FAM162A: variants seen among roughly 807,000 people sequenced by gnomAD.
The protein encoded by FAM162A is family with sequence similarity 162 member A, also known as protein FAM162A.
In FAM162A, 23 loss-of-function variants were observed where a neutral mutation model predicts 21.8. The ratio of observed to expected loss-of-function variants is 1.05; its 90% confidence interval spans 0.76 to 1.49. FAM162A has a LOEUF of 1.49. Ranked by LOEUF, FAM162A falls within the 40% of genes most tolerant of loss-of-function variation. The pLI is 0.00. For synonymous variants in FAM162A, 53 were observed against 61.3 expected, an observed-to-expected ratio of 0.86 and a Z score of 0.64; for missense variants, 165 against 186.4, an observed-to-expected ratio of 0.89 and a Z score of 0.67.
intron 1 of FAM162A, among the ~76,000 whole-genome samples, chr3:122,390,665 A>T (rs1576247228): frequency 6.6e-6 from 1 of 152,206 alleles, no homozygotes; most frequent in African/African-American, 2.4e-5. Flanking sequence ...TTTTCAGATT[A>T]TGGGTCCCCC....
At chr3:122,387,482 C>A (rs893738591) in intron 1 of FAM162A, among the ~76,000 whole-genome samples, 1 of 152,136 alleles carries the variant, frequency 6.6e-6, no homozygotes, top group Non-Finnish European at 1.5e-5. Flanking sequence ...ACTTAAGGGC[C>A]AAGAAGGGAA....
rs142560802 is a variant in FAM162A, at chr3:122,392,049, T to C, written c.34+7750T>C. Among the ~76,000 whole-genome samples, 717 of 152,366 alleles carry C rather than the reference T, an allele frequency of 4.7e-3. 6 individuals are homozygous for C. The highest frequency in any genetic ancestry group is 0.017 in the African/African-American group (692 of 41,586). On this transcript the variant is annotated intron_variant, in intron 1 of 4. Coordinates refer to ENST00000477892, the MANE Select transcript of FAM162A (RefSeq NM_014367.4). Reference sequence around the variant, plus strand: ...TGCCTGGCACATAGGAAGTACTTTGTTGAATGAATTACTCCAACATACATC... The same window carrying C: ...TGCCTGGCACATAGGAAGTACTTTGCTGAATGAATTACTCCAACATACATC...
intron 1 of FAM162A, among the ~76,000 whole-genome samples, chr3:122,386,581 A>G (rs9874163): frequency 0.34 from 51,396 of 150,692 alleles, 9,963 homozygotes; most frequent in East Asian, 0.56. Context: ...AAAAGAAAAG[A>G]AGCATAATCT....
At position 122,409,820 on chromosome 3, in the gene FAM162A, A is replaced by C. The variant is rs778994095; in HGVS notation, c.454A>C (p.Lys152Gln). 6.2e-7 allele frequency: 1 copy of C among 1,613,850 alleles called. No individual in the cohort carries two copies. Among genetic ancestry groups the C allele is most frequent in the South Asian group, 1.1e-5 (1 of 91,078 alleles). ...RLKEEAAMKA[K>Q]TE ...GAAAGAGGAAGCAGCTATGAAGGCCAAAACAGAGTAGCAGAGGTATCCGTG... is the reference window on the plus strand; with the variant it reads ...GAAAGAGGAAGCAGCTATGAAGGCCCAAACAGAGTAGCAGAGGTATCCGTG... Residue 152 changes from lysine (K) to glutamine (Q), a missense_variant, in exon 5 of 5, where the codon AAA (lysine) becomes CAA (glutamine). Coordinates refer to ENST00000477892, the MANE Select transcript of FAM162A (RefSeq NM_014367.4).
At chr3:122,391,229 A>G (rs1221221145) in intron 1 of FAM162A, among the ~76,000 whole-genome samples, 3 of 152,200 alleles carry the variant, frequency 2.0e-5, no homozygotes, top group Non-Finnish European at 2.9e-5. Flanking sequence ...GTCTGGCATT[A>G]TCGCCCAGGC....
At chr3:122,407,428 T>A (rs367935433) in intron 4 of FAM162A, 39 bp downstream of exon 4, 1 of 1,495,782 alleles carries the variant, frequency 6.7e-7, no homozygotes, top group Non-Finnish European at 9.3e-7. Flanking sequence ...ATGTATGTTC[T>A]CCACCAAGAA....
At chr3:122,409,104 A>G (rs2075691828) in intron 4 of FAM162A, among the ~76,000 whole-genome samples, 1 of 149,904 alleles carries the variant, frequency 6.7e-6, no homozygotes, top group African/African-American at 2.5e-5. Flanking sequence ...TAGTTTCACT[A>G]TTTGGTATAA....
chr3:122,401,350 T>C, intron 1 of FAM162A: 1 of 998,686 alleles, frequency 1.0e-6, no homozygotes, highest in Non-Finnish European at 1.2e-6. Context: ...CATGATTATA[T>C]AGACAGAGAA....
chr3:122,400,605 A>G lies in FAM162A; in HGVS notation c.35-2155A>G, dbSNP rs542387357. 8.5e-5 allele frequency among the ~76,000 whole-genome samples: 13 copies of G among 152,276 alleles called. No individual in the cohort carries two copies. In the South Asian group the frequency reaches 2.7e-3, roughly 32 times the overall value. On this transcript the variant is annotated intron_variant, in intron 1 of 4. Transcript: ENST00000477892. ...TTTGGGAGGCCGAGGCAGGCGGATC[A>G]CCTAAGGTCAGGAGTTTGAGACTAG...
intron 1 of FAM162A, among the ~76,000 whole-genome samples, chr3:122,399,416 G>A (rs896279869): frequency 2.0e-5 from 3 of 151,970 alleles, no homozygotes; most frequent in Admixed American, 6.6e-5. Flanking sequence ...CTTCGGCTCC[G>A]GGGTTCAAGT....
chr3:122,405,765 A>G (rs1195979940), intron 3 of FAM162A, among the ~76,000 whole-genome samples: 1 of 152,202 alleles, frequency 6.6e-6, no homozygotes, highest in Non-Finnish European at 1.5e-5. Flanking sequence ...TAACTTGCCC[A>G]TTCCTATTAC....
chr3:122,393,679 A>G (rs2075614622), intron 1 of FAM162A, among the ~76,000 whole-genome samples: 1 of 152,212 alleles, frequency 6.6e-6, no homozygotes. Flanking sequence ...ATTTGTTGAA[A>G]ATAATCAGCA....
intron 1 of FAM162A, among the ~76,000 whole-genome samples, chr3:122,385,865 A>T (rs1235704946): frequency 1.3e-5 from 2 of 152,222 alleles, no homozygotes; most frequent in East Asian, 3.8e-4. Context: ...CCCACTTCAT[A>T]GCTAAATACT....
intron 1 of FAM162A, among the ~76,000 whole-genome samples, chr3:122,384,635 C>G (rs1449238089): frequency 6.6e-6 from 1 of 152,040 alleles, no homozygotes; most frequent in Non-Finnish European, 1.5e-5. Context: ...TCCCCTTTAC[C>G]CATGCATTCA....
At position 122,390,700 on chromosome 3, in the gene FAM162A, G is replaced by A. The variant is rs538880823; in HGVS notation, c.34+6401G>A. 9.9e-4 allele frequency among the ~76,000 whole-genome samples: 151 copies of A among 152,264 alleles called. 1 individual carries two copies. Among genetic ancestry groups the A allele is most frequent in the Non-Finnish European group, 2.6e-4 (18 of 68,010 alleles). On this transcript the variant is annotated intron_variant, in intron 1 of 4. Coordinates refer to ENST00000477892, the MANE Select transcript of FAM162A (RefSeq NM_014367.4). ...CATAGCAGAAGTTTCACCATTACCT[G>A]GGCAATTGTTAGAAGTGCACATTCT...
chr3:122,401,960 T>A (rs1422381192), intron 1 of FAM162A, among the ~76,000 whole-genome samples: 3 of 152,168 alleles, frequency 2.0e-5, no homozygotes, highest in Non-Finnish European at 4.4e-5. Flanking sequence ...ACCTGTTTAG[T>A]TTCTGCACAG....
In FAM162A at chr3:122,402,848, C is replaced by G; in HGVS notation, c.123C>G (p.Cys41Trp). The G allele has an allele frequency of 1.2e-6, 2 of 1,605,888 alleles. No homozygotes were observed. Among genetic ancestry groups the G allele is most frequent in the Non-Finnish European group, 1.7e-6 (2 of 1,176,766 alleles). Reference protein sequence around the residue: ...SSDLKRINGFCTKPQESPGAP... With the variant: ...SSDLKRINGFWTKPQESPGAP... The stretch of plus-strand genomic sequence containing the variant: ...ATTTGAAGAGAATAAATGGATTTTG[C>G]ACAAAACCACAGGAAAGTCCCGGAG... The change falls in exon 2 of 5, where the codon TGC becomes TGG. Residue 41 changes from cysteine to tryptophan, a missense_variant. Cys to Trp is a radical substitution (Grantham distance 215). Coordinates refer to ENST00000477892, the MANE Select transcript of FAM162A (RefSeq NM_014367.4).
Position 122,402,843 on chromosome 3 carries a change from T to G in FAM162A, c.118T>G (p.Phe40Val). 6.2e-7 allele frequency: 1 copy of G among 1,604,828 alleles called. No individual in the cohort carries two copies. The highest frequency in any genetic ancestry group is 8.5e-7 in the Non-Finnish European group (1 of 1,176,188). Residue 40 changes from phenylalanine (F) to valine (V), a missense_variant, in exon 2 of 5, where the codon TTT (phenylalanine) becomes GTT (valine). Phe to Val is a conservative substitution (Grantham distance 50, BLOSUM62 -1). Coordinates refer to ENST00000477892, the MANE Select transcript of FAM162A (RefSeq NM_014367.4). ...CTCTGATTTGAAGAGAATAAATGGA[T>G]TTTGCACAAAACCACAGGAAAGTCC... ...RSSDLKRING[F>V]CTKPQESPGA...
At chr3:122,391,350 G>A (rs1428943374) in intron 1 of FAM162A, among the ~76,000 whole-genome samples, 2 of 152,074 alleles carry the variant, frequency 1.3e-5, no homozygotes, top group South Asian at 2.1e-4. Flanking sequence ...ATGCCACTGC[G>A]CCCAGCTAGT....
Sources: gnomAD v4.1 joint callset for allele counts (sites outside exome capture counted in the v4.1 genomes callset) on GRCh38, gnomAD v4.1.1 for gene constraint, MANE v1.5 for transcripts, NCBI Gene and HGNC (gene_info 2026-07-23, HGNC 2026-07-21) for gene names.